Variants in COL26A1 observed in about 807,000 individuals in gnomAD.
COL26A1 encodes the protein collagen type XXVI alpha 1 chain, also known as collagen alpha-1(XXVI) chain.
In COL26A1, 41 loss-of-function variants were observed where a neutral mutation model predicts 59.3. That is an observed-to-expected ratio of 0.69 (90% CI 0.54 to 0.90). The LOEUF is 0.90. COL26A1 is among the 40% of genes least tolerant of loss of function. The pLI, the probability that COL26A1 is intolerant of heterozygous loss-of-function variation, is 0.00. For missense variants in COL26A1, 612 were observed against 602.3 expected (o/e 1.02, Z -0.17); for synonymous variants, 266 against 256.0 (o/e 1.04, Z -0.37).
chr7:101,498,849 G>A (rs2130551899), intron 3 of COL26A1, among the ~76,000 whole-genome samples: 1 of 152,288 alleles, frequency 6.6e-6, no homozygotes, highest in South Asian at 2.1e-4. Context: ...AAAGGCGAGG[G>A]AGGCTTGGTG....
intron 1 of COL26A1, among the ~76,000 whole-genome samples, chr7:101,406,928 C>A (rs1295835937): frequency 6.6e-6 from 1 of 151,876 alleles, no homozygotes; most frequent in Non-Finnish European, 1.5e-5. Context: ...CCAGCCCGGG[C>A]AACAGAACAA....
chr7:101,546,512 G>C (rs998527851), intron 7 of COL26A1, among the ~76,000 whole-genome samples: 3 of 151,930 alleles, frequency 2.0e-5, no homozygotes, highest in African/African-American at 7.3e-5. Context: ...CTGGCCTCAA[G>C]TGATCCTCCC....
chr7:101,410,672 G>T (rs1302936644), intron 1 of COL26A1, among the ~76,000 whole-genome samples: 1 of 145,856 alleles, frequency 6.9e-6, no homozygotes, highest in African/African-American at 2.5e-5. Context: ...GCACCACCAC[G>T]CCCGGCTAAT....
At chr7:101,510,907 T>TC (rs1453156628) in intron 3 of COL26A1, among the ~76,000 whole-genome samples, 2 of 146,990 alleles carry the variant, frequency 1.4e-5, no homozygotes, top group African/African-American at 2.5e-5. Flanking sequence ...TCTTTTTTTT[T>TC]TTTTTTTTTT....
chr7:101,431,220 A>T (rs376633220), intron 2 of COL26A1, among the ~76,000 whole-genome samples: 4 of 152,252 alleles, frequency 2.6e-5, no homozygotes, highest in Non-Finnish European at 5.9e-5. Context: ...TCTGCTACTA[A>T]AGATGATATT....
At chr7:101,493,599 A>C (rs1204874215) in intron 3 of COL26A1, among the ~76,000 whole-genome samples, 1 of 151,984 alleles carries the variant, frequency 6.6e-6, no homozygotes, top group African/African-American at 2.4e-5. Flanking sequence ...AATGACCATG[A>C]AATACAGTGC....
At chr7:101,419,696 C>A (rs1167209608) in intron 1 of COL26A1, among the ~76,000 whole-genome samples, 3 of 152,220 alleles carry the variant, frequency 2.0e-5, no homozygotes, top group Non-Finnish European at 4.4e-5. Context: ...CTCCTCTCCC[C>A]ACCAGGGTGA....
At chr7:101,459,887 C>T (rs1333100341) in intron 3 of COL26A1, among the ~76,000 whole-genome samples, 1 of 152,044 alleles carries the variant, frequency 6.6e-6, no homozygotes, top group Non-Finnish European at 1.5e-5. Context: ...GATTTGAGTC[C>T]AAGGCGATGC....
intron 3 of COL26A1, among the ~76,000 whole-genome samples, chr7:101,516,826 C>T (rs982254087): frequency 6.6e-6 from 1 of 152,150 alleles, no homozygotes; most frequent in Non-Finnish European, 1.5e-5. Context: ...CAGAGGCCGT[C>T]ATGTTGTTCG....
intron 1 of COL26A1, among the ~76,000 whole-genome samples, chr7:101,400,774 G>T (rs1471570592): frequency 6.6e-6 from 1 of 152,070 alleles, no homozygotes. Context: ...GGCCAGGCTG[G>T]TCTTGAACTC....
chr7:101,382,186 C>T (rs1791465113), intron 1 of COL26A1, among the ~76,000 whole-genome samples: 8 of 152,080 alleles, frequency 5.3e-5, no homozygotes, highest in Admixed American at 5.2e-4. Flanking sequence ...GTGGCTGGGA[C>T]TGCAGGTGCA....
At chr7:101,512,117 G>A (rs185744995) in intron 3 of COL26A1, among the ~76,000 whole-genome samples, 2 of 152,332 alleles carry the variant, frequency 1.3e-5, no homozygotes. Flanking sequence ...TGGTGCTGTG[G>A]TCACCGTGGA....
chr7:101,425,267 C>A (rs1792617813), intron 2 of COL26A1, among the ~76,000 whole-genome samples: 1 of 147,630 alleles, frequency 6.8e-6, no homozygotes, highest in Non-Finnish European at 1.5e-5. Flanking sequence ...TGCCTCTAAT[C>A]CCAGCTACTC....
At chr7:101,392,524 C>A (rs112778841) in intron 1 of COL26A1, among the ~76,000 whole-genome samples, 9,258 of 151,564 alleles carry the variant, frequency 0.061, 651 homozygotes, top group African/African-American at 0.16. Context: ...GCCTCAGCCT[C>A]CTGAGTAGCT....
intron 4 of COL26A1, among the ~76,000 whole-genome samples, chr7:101,538,427 C>T (rs1020943825): frequency 6.6e-6 from 1 of 152,240 alleles, no homozygotes; most frequent in African/African-American, 2.4e-5. Flanking sequence ...CCTCACCGCC[C>T]ATTTGCTGGG....
At chr7:101,423,325 G>A (rs1000826747) in intron 2 of COL26A1, among the ~76,000 whole-genome samples, 7 of 152,062 alleles carry the variant, frequency 4.6e-5, no homozygotes, top group African/African-American at 1.4e-4. Context: ...AGAAAAGCTG[G>A]ACAAGCTAGC....
At chr7:101,381,227 T>C (rs1294506793) in intron 1 of COL26A1, among the ~76,000 whole-genome samples, 1 of 152,206 alleles carries the variant, frequency 6.6e-6, no homozygotes, top group African/African-American at 2.4e-5. Flanking sequence ...TTCCAGCTTC[T>C]AGAATTTATC....
intron 3 of COL26A1, among the ~76,000 whole-genome samples, chr7:101,509,273 A>G (rs1794873444): frequency 6.6e-6 from 1 of 151,678 alleles, no homozygotes; most frequent in Non-Finnish European, 1.5e-5. Context: ...GATGAAACCC[A>G]CTTCTCTACT....
chr7:101,555,754 C>A (rs1012920216), intron 11 of COL26A1, 33 bp from the exon 12 acceptor site: 1 of 1,562,636 alleles, frequency 6.4e-7, no homozygotes, highest in Admixed American at 1.8e-5. Flanking sequence ...TCCTCATGGC[C>A]GGCCCTGACC....
Sources: gnomAD v4.1 joint callset for allele counts (sites outside exome capture counted in the v4.1 genomes callset) on GRCh38, gnomAD v4.1.1 for gene constraint, MANE v1.5 for transcripts, NCBI Gene and HGNC (gene_info 2026-07-23, HGNC 2026-07-21) for gene names.